NRG3: variants seen among roughly 807,000 people sequenced by gnomAD.
The protein encoded by NRG3 is pro-neuregulin-3, membrane-bound isoform.
A neutral mutation model predicts 66.9 loss-of-function variants in NRG3; 31 were observed. The ratio of observed to expected loss-of-function variants is 0.46; its 90% CI spans 0.35 to 0.63. The LOEUF (loss-of-function observed/expected upper bound fraction) is 0.63. Among genes scored for constraint, NRG3 ranks in the 20% least tolerant of loss-of-function variants. NRG3 has a pLI of 0.00. For synonymous variants in NRG3, 393 were observed against 359.4 expected, an observed-to-expected ratio of 1.09 and a Z score of -1.06; for missense variants, 910 against 878.9, an observed-to-expected ratio of 1.04 and a Z score of -0.45.
At chr10:82,628,104 CACT>C (rs1428348605) in intron 2 of NRG3, among the ~76,000 whole-genome samples, 1 of 152,160 alleles carries the variant, frequency 6.6e-6, no homozygotes, top group Non-Finnish European at 1.5e-5. Flanking sequence ...TTGCACCACA[CACT>C]ACATTATATT....
chr10:82,096,548 C>T (rs1207517075), intron 1 of NRG3, among the ~76,000 whole-genome samples: 2 of 151,744 alleles, frequency 1.3e-5, no homozygotes, highest in African/African-American at 4.8e-5. Context: ...AGCCCCGTCA[C>T]TCACCAAAAA....
intron 7 of NRG3, among the ~76,000 whole-genome samples, chr10:82,977,285 T>C (rs1852358846): frequency 6.6e-6 from 1 of 152,110 alleles, no homozygotes; most frequent in African/African-American, 2.4e-5. Context: ...CATCCCTTGT[T>C]AGGCATTTGG....
At chr10:82,449,156 G>A (rs1487342942) in intron 2 of NRG3, among the ~76,000 whole-genome samples, 1 of 152,170 alleles carries the variant, frequency 6.6e-6, no homozygotes, top group Non-Finnish European at 1.5e-5. Flanking sequence ...TGAACCACGT[G>A]GGGCCATTTG....
chr10:82,731,522 G>A (rs1181875869), intron 2 of NRG3, among the ~76,000 whole-genome samples: 1 of 152,146 alleles, frequency 6.6e-6, no homozygotes, highest in African/African-American at 2.4e-5. Context: ...CGTGGTATTT[G>A]TCTTTCTGTG....
chr10:82,693,888 G>A (rs773013596), intron 2 of NRG3, among the ~76,000 whole-genome samples: 8 of 152,314 alleles, frequency 5.3e-5, no homozygotes, highest in Admixed American at 2.6e-4. Flanking sequence ...AAGGAGACCC[G>A]AGTGGGTTGC....
Position 82,124,192 on chromosome 10 carries a change from T to C in NRG3, c.824-234547T>C, listed in dbSNP as rs2068276174. Among the ~76,000 whole-genome samples the C allele has an allele frequency of 2.6e-5, 4 of 152,002 alleles. No individual in the cohort carries two copies. In the South Asian group the frequency reaches 8.3e-4, roughly 31 times the overall value. ...GTGTAGGTTATTGGGAAATTCTGAATAGGATAGCGTTATGGAGAATTGGCT... is the reference window on the plus strand; with the variant it reads ...GTGTAGGTTATTGGGAAATTCTGAACAGGATAGCGTTATGGAGAATTGGCT... On this transcript the variant is annotated intron_variant, in intron 1 of 8. Transcript: ENST00000372141.
In NRG3 at chr10:82,780,134, G is replaced by C. The variant is rs191361145; in HGVS notation, c.1027+41484G>C. On this transcript the variant is annotated intron_variant, in intron 3 of 8. Coordinates refer to ENST00000372141, the MANE Select transcript of NRG3 (RefSeq NM_001010848.4). ...TCCAGTCTATCATTGATGGGCATTTGGGTTGGTTCCAAGTCTTTGCTATTG... is the reference window on the plus strand; with the variant it reads ...TCCAGTCTATCATTGATGGGCATTTCGGTTGGTTCCAAGTCTTTGCTATTG... Among the ~76,000 whole-genome samples, 573 of 152,218 alleles carry C rather than the reference G, an allele frequency of 3.8e-3. 2 individuals carry two copies. Among genetic ancestry groups the C allele is most frequent in the Non-Finnish European group, 6.3e-3 (429 of 68,010 alleles).
At chr10:82,660,207 A>C (rs1336268465) in intron 2 of NRG3, among the ~76,000 whole-genome samples, 2 of 95,812 alleles carry the variant, frequency 2.1e-5, no homozygotes, top group Admixed American at 9.8e-5. Flanking sequence ...AAAAAAAAAA[A>C]AAAAAAAAAA....
intron 5 of NRG3, among the ~76,000 whole-genome samples, chr10:82,956,476 A>G (rs983803552): frequency 6.6e-6 from 1 of 151,966 alleles, no homozygotes; most frequent in Non-Finnish European, 1.5e-5. Flanking sequence ...GAATGGAAGG[A>G]CCACGTATCT....
intron 2 of NRG3, among the ~76,000 whole-genome samples, chr10:82,599,081 G>A (rs930756806): frequency 3.3e-5 from 5 of 151,930 alleles, no homozygotes; most frequent in Admixed American, 6.6e-5. Context: ...AGAAAATGAT[G>A]AGAAGAAGAA....
chr10:82,133,026 T>A (rs965573196), intron 1 of NRG3, among the ~76,000 whole-genome samples: 1 of 151,984 alleles, frequency 6.6e-6, no homozygotes, highest in African/African-American at 2.4e-5. Context: ...TTCATTTTGT[T>A]GATTTTTTGT....
intron 1 of NRG3, among the ~76,000 whole-genome samples, chr10:81,894,856 C>G (rs1843375963): frequency 6.6e-6 from 1 of 152,150 alleles, no homozygotes; most frequent in Admixed American, 6.5e-5. Flanking sequence ...GCCGCTGCCT[C>G]CAACCACCAC....
At chr10:82,313,573 A>G (rs1040408166) in intron 1 of NRG3, among the ~76,000 whole-genome samples, 15 of 152,178 alleles carry the variant, frequency 9.9e-5, no homozygotes, top group African/African-American at 3.6e-4. Context: ...AAACAGCTGC[A>G]TGGCCAGTCC....
intron 2 of NRG3, among the ~76,000 whole-genome samples, chr10:82,398,937 A>G (rs1024853346): frequency 2.6e-5 from 4 of 152,128 alleles, no homozygotes; most frequent in Non-Finnish European, 5.9e-5. Flanking sequence ...AGGAAGCAGG[A>G]TACACCAATT....
chr10:82,639,518 G>A (rs1348880352), intron 2 of NRG3, among the ~76,000 whole-genome samples: 1 of 152,172 alleles, frequency 6.6e-6, no homozygotes, highest in Non-Finnish European at 1.5e-5. Flanking sequence ...ACCACAGTTG[G>A]TCAGTTGCAA....
At chr10:82,079,389 G>A (rs556753153) in intron 1 of NRG3, among the ~76,000 whole-genome samples, 1 of 152,198 alleles carries the variant, frequency 6.6e-6, no homozygotes, top group East Asian at 1.9e-4. Context: ...TTGAAAGGAA[G>A]GTACAGAGAT....
rs181763003 is a variant in NRG3 at position 82,528,678 on chromosome 10, G to T, written c.953+169810G>T. 1.6e-3 allele frequency among the ~76,000 whole-genome samples: 243 copies of T among 152,128 alleles called. 1 individual carries two copies. The highest frequency in any genetic ancestry group is 5.3e-3 in the African/African-American group (221 of 41,506). On this transcript the variant is annotated intron_variant, in intron 2 of 8. Coordinates refer to ENST00000372141, the MANE Select transcript of NRG3 (RefSeq NM_001010848.4). ...TGATTGCTTGTGGCCTTCAAACAGT[G>T]TTGAGTAAAAATACATTTTCATTTT... is the stretch of plus-strand genomic sequence containing the variant.
chr10:81,998,230 A>G (rs1028545461), intron 1 of NRG3, among the ~76,000 whole-genome samples: 1 of 152,224 alleles, frequency 6.6e-6, no homozygotes, highest in African/African-American at 2.4e-5. Flanking sequence ...CTGCTTATCA[A>G]ACAGGTGGAC....
chr10:82,925,713 A>G (rs973136080), intron 4 of NRG3, among the ~76,000 whole-genome samples: 1 of 152,236 alleles, frequency 6.6e-6, no homozygotes, highest in Non-Finnish European at 1.5e-5. Context: ...ACAGTTATTT[A>G]TAGCCTGTGA....
Sources: allele counts gnomAD v4.1 joint callset (sites outside exome capture counted in the v4.1 genomes callset), GRCh38; gene constraint gnomAD v4.1.1; transcripts MANE v1.5; gene names NCBI Gene and HGNC (gene_info 2026-07-23, HGNC 2026-07-21).